DOCK8: variants seen among roughly 807,000 people sequenced by gnomAD.
The protein encoded by DOCK8 is dedicator of cytokinesis protein 8.
Under a neutral mutation model 245.6 loss-of-function variants are expected in DOCK8, and 141 were observed. That is an observed-to-expected ratio of 0.57 (90% CI 0.50 to 0.66). DOCK8 has a LOEUF of 0.66. Ranked by LOEUF, DOCK8 falls within the 30% of genes least tolerant of loss-of-function variation. The probability of loss-of-function intolerance (pLI) is 0.00; values close to 1 mark genes in which losing one functional copy is unlikely to be tolerated. For synonymous variants in DOCK8, 1,168 were observed against 970.2 expected (o/e 1.20, Z -3.79); for missense variants, 2,965 against 2,603.4 (o/e 1.14, Z -3.02).
intron 18 of DOCK8, among the ~76,000 whole-genome samples, chr9:374,063 C>T (rs1366267158): frequency 2.0e-5 from 3 of 152,160 alleles, no homozygotes; most frequent in Non-Finnish European, 4.4e-5. Context: ...GAAACTGAGC[C>T]CATATCTGCA....
chr9:447,879 A>T (rs1199166984), intron 44 of DOCK8, among the ~76,000 whole-genome samples: 2 of 152,140 alleles, frequency 1.3e-5, no homozygotes, highest in Admixed American at 1.3e-4. Context: ...TGAAGCAGTG[A>T]CTCAGTCGGG....
At chr9:368,687 G>A (rs1178339257) in intron 15 of DOCK8, 2 of 150,884 alleles carry the variant, frequency 1.3e-5, no homozygotes, top group South Asian at 4.1e-4. Context: ...ATAAAATGCA[G>A]TGTGCTCCAA....
intron 1 of DOCK8, among the ~76,000 whole-genome samples, chr9:227,312 G>A (rs1489290476): frequency 1.3e-5 from 2 of 152,156 alleles, no homozygotes; most frequent in African/African-American, 4.8e-5. Flanking sequence ...CCCTCGTAGA[G>A]GTTTTGTTTA....
chr9:423,556 T>A (rs2056363988), intron 33 of DOCK8, among the ~76,000 whole-genome samples: 1 of 152,246 alleles, frequency 6.6e-6, no homozygotes, highest in Admixed American at 6.5e-5. Context: ...CAAGAATGAA[T>A]CATTCTGGTT....
intron 20 of DOCK8, among the ~76,000 whole-genome samples, chr9:378,442 G>A (rs535727856): frequency 3.0e-4 from 45 of 152,306 alleles, no homozygotes; most frequent in Non-Finnish European, 5.6e-4. Flanking sequence ...GCCAGGGAGG[G>A]GCATGTCCCC....
At chr9:354,388 A>G (rs2052324961) in intron 14 of DOCK8, among the ~76,000 whole-genome samples, 1 of 152,220 alleles carries the variant, frequency 6.6e-6, no homozygotes, top group Non-Finnish European at 1.5e-5. Context: ...TTTTTGAAGT[A>G]AAACCATTTT....
At chr9:214,658 G>C, upstream of DOCK8, 3 of 1,604,630 alleles carry the variant, frequency 1.9e-6, no homozygotes, top group Non-Finnish European at 2.6e-6. Context: ...GCTCCCTTCG[G>C]CCGGAGGTCG....
At chr9:215,382 C>T (rs773094833) in intron 1 of DOCK8, 35 of 1,585,358 alleles carry the variant, frequency 2.2e-5, no homozygotes, top group Non-Finnish European at 2.8e-5. Context: ...TTGGGCGCGC[C>T]ACGGAGTGTC....
chr9:269,527 A>C (rs1356894669), intron 1 of DOCK8, among the ~76,000 whole-genome samples: 1 of 146,874 alleles, frequency 6.8e-6, no homozygotes, highest in Non-Finnish European at 1.5e-5. Context: ...TTCATGTGTA[A>C]GTTTTTGTGG....
At chr9:401,860 A>G (rs1277742129) in intron 26 of DOCK8, among the ~76,000 whole-genome samples, 3 of 152,200 alleles carry the variant, frequency 2.0e-5, no homozygotes, top group Non-Finnish European at 2.9e-5. Context: ...AGGAAGCAGA[A>G]TAATAAAAAA....
rs561579476 is a variant in DOCK8, at chr9:370,250, C to T, written c.1818C>T (p.Ser606=). ...AACAGGTCATCTTTGGAAAATCCAGCGGGCCTGAATTTCTGCAGGAAGTGT... is the reference window on the plus strand; with the variant it reads ...AACAGGTCATCTTTGGAAAATCCAGTGGGCCTGAATTTCTGCAGGAAGTGT... ...NAMPVIFGKS[S]GPEFLQEVYT... The change falls in exon 16 of 48, where the codon AGC becomes AGT. Residue 606 remains serine (S), a synonymous_variant. Transcript: ENST00000432829. The T allele has an allele frequency of 1.6e-5, 26 of 1,613,886 alleles. No homozygotes were observed. The highest frequency in any genetic ancestry group is 1.2e-4 in the African/African-American group (9 of 74,914).
intron 12 of DOCK8, 87 bp downstream of exon 12, chr9:336,805 A>C (rs1768318018): frequency 6.6e-7 from 1 of 1,526,470 alleles, no homozygotes; most frequent in African/African-American, 1.4e-5. Context: ...CGTAGTGATT[A>C]AGAGAGCAAA....
chr9:354,715 C>T (rs937247619), intron 14 of DOCK8, among the ~76,000 whole-genome samples: 6 of 152,142 alleles, frequency 3.9e-5, no homozygotes, highest in Admixed American at 2.6e-4. Context: ...CTGAGGGCGT[C>T]GGTTCCTCAC....
At chr9:433,543 G>A (rs2056790982) in intron 37 of DOCK8, among the ~76,000 whole-genome samples, 1 of 152,210 alleles carries the variant, frequency 6.6e-6, no homozygotes, top group African/African-American at 2.4e-5. Context: ...AAAAATCCCT[G>A]ATATTCCAGA....
At chr9:247,012 G>T (rs894081840) in intron 1 of DOCK8, among the ~76,000 whole-genome samples, 4 of 152,108 alleles carry the variant, frequency 2.6e-5, no homozygotes, top group African/African-American at 9.7e-5. Context: ...TCTTTAAGAT[G>T]AATATTGAAT....
intron 1 of DOCK8, 82 bp downstream of exon 1, chr9:215,111 G>A: frequency 1.3e-6 from 2 of 1,503,742 alleles, no homozygotes; most frequent in South Asian, 1.2e-5. Context: ...CAGGGGCCGA[G>A]GCCGGACGAG....
At chr9:394,465 A>C (rs189122058) in intron 24 of DOCK8, among the ~76,000 whole-genome samples, 10 of 152,354 alleles carry the variant, frequency 6.6e-5, no homozygotes, top group Non-Finnish European at 1.2e-4. Flanking sequence ...GAGAAAGACA[A>C]CAGCTTCCTT....
intron 28 of DOCK8, among the ~76,000 whole-genome samples, chr9:411,578 G>T (rs1282945195): frequency 6.6e-6 from 1 of 151,934 alleles, no homozygotes; most frequent in African/African-American, 2.4e-5. Flanking sequence ...GGAAGAGGTG[G>T]AATACTTCCC....
At chr9:227,701 G>C (rs1409608973) in intron 1 of DOCK8, among the ~76,000 whole-genome samples, 2 of 152,250 alleles carry the variant, frequency 1.3e-5, no homozygotes, top group East Asian at 3.9e-4. Context: ...ATCAGTGGTA[G>C]GTCAGCATGG....
Sources: allele counts gnomAD v4.1 joint callset (sites outside exome capture counted in the v4.1 genomes callset), GRCh38; gene constraint gnomAD v4.1.1; transcripts MANE v1.5; gene names NCBI Gene and HGNC (gene_info 2026-07-23, HGNC 2026-07-21).